The following DMTF1 variants were observed in gnomAD, a reference collection of about 807,000 sequenced individuals.
The protein encoded by DMTF1 is cyclin D binding myb like transcription factor 1.
In DMTF1, 39 loss-of-function variants were observed where a neutral mutation model predicts 91.1. That is an observed-to-expected ratio of 0.43 (90% CI 0.33 to 0.56). DMTF1 has a LOEUF of 0.56. Ranked by LOEUF, DMTF1 falls within the 20% of genes least tolerant of loss-of-function variation. The probability of loss-of-function intolerance (pLI) is 0.05; values close to 1 mark genes in which losing one functional copy is unlikely to be tolerated. For synonymous variants in DMTF1, 338 were observed against 309.5 expected (o/e 1.09, Z -0.97); for missense variants, 750 against 914.5 (o/e 0.82, Z 2.32).
chr7:87,189,534 ATACCT>A (rs1431968635), intron 13 of DMTF1, among the ~76,000 whole-genome samples: 1 of 152,152 alleles, frequency 6.6e-6, no homozygotes, highest in Non-Finnish European at 1.5e-5. Flanking sequence ...TTTATAAATG[ATACCT>A]TAATATTGAT....
intron 8 of DMTF1, among the ~76,000 whole-genome samples, chr7:87,180,782 A>G (rs1797157606): frequency 6.6e-6 from 1 of 152,038 alleles, no homozygotes; most frequent in East Asian, 1.9e-4. Context: ...AAAATTATAC[A>G]ATCCTTACCT....
At position 87,182,329 on chromosome 7, in the gene DMTF1, G is replaced by A; in HGVS notation, c.812G>A (p.Cys271Tyr). 2 of 1,614,026 alleles carry A rather than the reference G, an allele frequency of 1.2e-6. No individual in the cohort carries two copies. The highest frequency in any genetic ancestry group is 8.5e-7 in the Non-Finnish European group (1 of 1,179,962). Reference sequence around the variant, plus strand: ...CGGTGCCGACTGATGAAGGATACTTGCAACACAGGTACTGTGACTACTACT... The same window carrying A: ...CGGTGCCGACTGATGAAGGATACTTACAACACAGGTACTGTGACTACTACT... ...KDRCRLMKDT[C>Y]NTGKWTEEEE... The change falls in exon 10 of 18, where the codon TGC (cysteine) becomes TAC (tyrosine). Residue 271 changes from cysteine (C) to tyrosine (Y), a missense_variant. By Grantham distance (194) the Cys-to-Tyr change is radical (BLOSUM62 -2). Transcript: ENST00000331242.
intron 1 of DMTF1, chr7:87,162,813 G>A (rs1451209319): frequency 4.5e-5 from 3 of 66,452 alleles, no homozygotes; most frequent in Non-Finnish European, 6.6e-5. Context: ...CAAATCATGT[G>A]CTTTTTTTTT....
chr7:87,173,136 C>G (rs1173264352), intron 5 of DMTF1, among the ~76,000 whole-genome samples: 1 of 152,140 alleles, frequency 6.6e-6, no homozygotes, highest in Non-Finnish European at 1.5e-5. Flanking sequence ...ATTTTCCTAT[C>G]TAGAACAGAT....
rs114111399 is a variant in DMTF1, at chr7:87,176,663, A to G, written c.519+1994A>G. On this transcript the variant is annotated intron_variant, in intron 7 of 17. Coordinates refer to ENST00000331242, the MANE Select transcript of DMTF1 (RefSeq NM_001142327.2). Reference sequence around the variant, plus strand: ...TGTTGGGCAAGAAGGAAAAGGAGTTAGAGCAACTTAAGAGTTTTTATTTTA... The same window carrying G: ...TGTTGGGCAAGAAGGAAAAGGAGTTGGAGCAACTTAAGAGTTTTTATTTTA... Among the ~76,000 whole-genome samples the G allele has an allele frequency of 5.2e-3, 790 of 152,286 alleles. 3 individuals carry two copies. Among genetic ancestry groups the G allele is most frequent in the African/African-American group, 0.018 (766 of 41,582 alleles).
chr7:87,160,744 T>C (rs1264112591), intron 1 of DMTF1, among the ~76,000 whole-genome samples: 1 of 152,196 alleles, frequency 6.6e-6, no homozygotes, highest in Non-Finnish European at 1.5e-5. Context: ...TCAACATAGT[T>C]AACTACTTAA....
chr7:87,179,527 G>C lies in DMTF1; in HGVS notation c.520-18G>C. On this transcript the variant is annotated intron_variant, in intron 7 of 17. Coordinates refer to ENST00000331242, the MANE Select transcript of DMTF1 (RefSeq NM_001142327.2). ...TTTTATCAGAAATCCCTAAATCAAAGAAATGTAACCCATTTAGGCACGCGG... is the reference window on the plus strand; with the variant it reads ...TTTTATCAGAAATCCCTAAATCAAACAAATGTAACCCATTTAGGCACGCGG... 1 of 1,484,904 alleles carries C rather than the reference G, an allele frequency of 6.7e-7. No individual in the cohort carries two copies. The highest frequency in any genetic ancestry group is 2.7e-5 in the Admixed American group (1 of 37,116). 92.0% of individuals were successfully genotyped at this position (1,484,904 alleles called of 1,614,324 possible). A position where few individuals can be genotyped will look rare whatever the true frequency, so the allele number is the denominator to read the frequency against.
At chr7:87,187,351 T>C (rs889162031) in intron 12 of DMTF1, 3 of 152,468 alleles carry the variant, frequency 2.0e-5, no homozygotes, top group Non-Finnish European at 4.4e-5. Flanking sequence ...CTGGGCAACA[T>C]AGCAAGACCC....
intron 14 of DMTF1, among the ~76,000 whole-genome samples, chr7:87,191,655 G>T (rs1236883759): frequency 2.6e-5 from 4 of 152,024 alleles, no homozygotes; most frequent in Non-Finnish European, 5.9e-5. Context: ...TGAAAAATAG[G>T]CTAAGTGAAA....
intron 12 of DMTF1, chr7:87,186,181 T>C (rs181898820): frequency 1.8e-6 from 1 of 557,942 alleles, no homozygotes; most frequent in East Asian, 2.9e-5. Context: ...GCCCCTAAAA[T>C]GAAAATGTAC....
At chr7:87,160,149 A>G (rs913683919) in intron 1 of DMTF1, among the ~76,000 whole-genome samples, 3 of 152,054 alleles carry the variant, frequency 2.0e-5, no homozygotes, top group Non-Finnish European at 4.4e-5. Context: ...TTTATTCACC[A>G]CCGTTTCTTA....
chr7:87,172,463 C>T (rs938428000), intron 5 of DMTF1, among the ~76,000 whole-genome samples: 4 of 152,126 alleles, frequency 2.6e-5, no homozygotes, highest in African/African-American at 9.7e-5. Context: ...CTAATTGTAC[C>T]TTGGTTGTCC....
At chr7:87,187,798 C>G (rs542318656) in intron 12 of DMTF1, 2 of 390,680 alleles carry the variant, frequency 5.1e-6, no homozygotes, top group African/African-American at 4.1e-5. Flanking sequence ...TCAAGACACC[C>G]TAGAATAGAA....
chr7:87,163,079 C>G (rs1016884705), intron 1 of DMTF1: 13 of 151,572 alleles, frequency 8.6e-5, no homozygotes, highest in African/African-American at 2.9e-4. Flanking sequence ...TAAGATAAAA[C>G]ATAAAGAGGT....
In DMTF1 at chr7:87,156,477, C is replaced by G. The variant is rs116305467; in HGVS notation, c.-132+3922C>G. ...ACCTTAATTGAATATGCCTTATGTTCATTTATGGCTCTGCTGCTCAAACTT... is the reference window on the plus strand; with the variant it reads ...ACCTTAATTGAATATGCCTTATGTTGATTTATGGCTCTGCTGCTCAAACTT... On this transcript the variant is annotated intron_variant, in intron 1 of 17. Transcript: ENST00000331242. Among the ~76,000 whole-genome samples the G allele has an allele frequency of 7.0e-3, 1,070 of 152,186 alleles. 13 individuals carry two copies. Among genetic ancestry groups the G allele is most frequent in the African/African-American group, 0.025 (1,023 of 41,538 alleles).
At chr7:87,166,228 G>T (rs1287777967) in intron 3 of DMTF1, among the ~76,000 whole-genome samples, 15 of 152,162 alleles carry the variant, frequency 9.9e-5, no homozygotes, top group Non-Finnish European at 2.1e-4. Flanking sequence ...CTACTGCCAA[G>T]AGAGATAGCA....
Position 87,184,633 on chromosome 7 carries a change from T to C in DMTF1, c.1049+8T>C. ...AATCAATCTCATCCTCAGGTTTGTG[T>C]CCTGAATCTTGTAATGACAAAAGCA... On this transcript the variant is annotated splice_region_variant and intron_variant, in intron 11 of 17. Transcript: ENST00000331242. 1 of 1,609,820 alleles carries C rather than the reference T, an allele frequency of 6.2e-7. No homozygotes were observed. Among genetic ancestry groups the C allele is most frequent in the Non-Finnish European group, 8.5e-7 (1 of 1,176,414 alleles).
Position 87,193,947 on chromosome 7 carries a change from CCAT to C in DMTF1, c.1877_1879del (p.Ser626del). The C allele has an allele frequency of 2.5e-6, 4 of 1,613,144 alleles. No individual in the cohort carries two copies. The highest frequency in any genetic ancestry group is 3.4e-6 in the Non-Finnish European group (4 of 1,179,500). On this transcript the variant is annotated inframe_deletion, in exon 16 of 18. Coordinates refer to ENST00000331242, the MANE Select transcript of DMTF1 (RefSeq NM_001142327.2). ...TCATCACCCTAAGATGACTGTGGAG[CCAT>C]CATTTAATGATGCTCATGTATCCAA...
At chr7:87,182,852 C>G (rs1230394672) in intron 10 of DMTF1, among the ~76,000 whole-genome samples, 1 of 152,276 alleles carries the variant, frequency 6.6e-6, no homozygotes, top group East Asian at 1.9e-4. Flanking sequence ...ATTGGTGTTT[C>G]AGTCCCCTGG....
Sources: gnomAD v4.1 joint callset for allele counts (sites outside exome capture counted in the v4.1 genomes callset) on GRCh38, gnomAD v4.1.1 for gene constraint, MANE v1.5 for transcripts, NCBI Gene and HGNC (gene_info 2026-07-23, HGNC 2026-07-21) for gene names.